COX17: variants seen among roughly 807,000 people sequenced by gnomAD.
COX17 encodes cytochrome c oxidase copper chaperone COX17.
COX17 carries 1 observed loss-of-function variant against 6.3 expected under a neutral mutation model. That is an observed-to-expected ratio of 0.16 (90% CI 0.06 to 0.75). The LOEUF is 0.75. Among genes scored for constraint, COX17 ranks in the 30% least tolerant of loss-of-function variants. The pLI is 0.77. For synonymous variants in COX17, 26 were observed against 30.5 expected (o/e 0.85, Z 0.49); for missense variants, 73 against 81.2 (o/e 0.90, Z 0.39).
rs370422554 is a variant in COX17, at chr3:119,677,331, A to G, written c.-21T>C. The stretch of plus-strand genomic sequence containing the variant: ...GGCATCTTTCGCGCCAAAAGCAGCT[A>G]TGAGCGGAGACAGCCAAATCTATGC... On this transcript the variant is annotated 5_prime_UTR_variant, in exon 1 of 3. Transcript: ENST00000261070. 59 of 1,599,450 alleles carry G rather than the reference A, an allele frequency of 3.7e-5. No homozygotes were observed. In the East Asian group the frequency reaches 4.0e-4, roughly 11 times the overall value.
downstream of COX17, among the ~76,000 whole-genome samples, chr3:119,664,808 T>C (rs1366060983): frequency 6.6e-5 from 10 of 152,224 alleles, no homozygotes; most frequent in Admixed American, 6.5e-4. Context: ...TATGGGTTTA[T>C]TTCATTTTCC....
At chr3:119,677,112 G>T in intron 1 of COX17, 92 bp downstream of exon 1, 2 of 944,058 alleles carry the variant, frequency 2.1e-6, no homozygotes, top group Non-Finnish European at 3.4e-6. Context: ...AGGGCAGAAG[G>T]CAGAGGGCAG....
At chr3:119,674,996 C>T in intron 2 of COX17, 149 bp downstream of exon 2, 1 of 608,328 alleles carries the variant, frequency 1.6e-6, no homozygotes, top group Admixed American at 2.8e-5. Context: ...ATAATTTACT[C>T]CCTTCATTGG....
In COX17 at chr3:119,675,175, T is replaced by A. The variant is rs1290201384; in HGVS notation, c.166A>T (p.Met56Leu). The change falls in exon 2 of 3, where the codon ATG becomes TTG. Residue 56 changes from methionine (M) to leucine (L), a missense_variant. Coordinates refer to ENST00000261070, the MANE Select transcript of COX17 (RefSeq NM_005694.2). ...GHLIEAHKECMRALGFKI is the reference protein window; with the variant it reads ...GHLIEAHKECLRALGFKI The stretch of plus-strand genomic sequence containing the variant: ...CATATTTTAAATCCTAGGGCTCTCA[T>A]GCATTCCTTGTGGGCCTCAATTAGA... 1 of 1,613,300 alleles carries A rather than the reference T, an allele frequency of 6.2e-7. No homozygotes were observed. Among genetic ancestry groups the A allele is most frequent in the Middle Eastern group, 1.7e-4 (1 of 6,000 alleles).
downstream of COX17, among the ~76,000 whole-genome samples, chr3:119,666,752 T>G (rs376169363): frequency 4.8e-4 from 73 of 152,298 alleles, no homozygotes; most frequent in African/African-American, 1.7e-3. Flanking sequence ...AAATAGCCTC[T>G]CATCTTGAAA....
intron 1 of COX17, chr3:119,676,630 T>C (rs749783000): frequency 9.1e-5 from 47 of 516,928 alleles, no homozygotes; most frequent in Non-Finnish European, 1.3e-4. Flanking sequence ...CTGTAAGGAA[T>C]ACACTCTGTG....
rs111279734 is a variant in COX17 at position 119,675,702 on chromosome 3, C to T, written c.108-469G>A. 9.9e-3 allele frequency: 1,523 copies of T among 153,574 alleles called. 24 individuals carry two copies. Among genetic ancestry groups the T allele is most frequent in the African/African-American group, 0.034 (1,414 of 41,526 alleles). 9.5% of individuals were successfully genotyped at this position (153,574 alleles called of 1,614,324 possible). ...TAGCCAGGAGACCGAGATAAACACC[C>T]CCTCATGATGATCAAAGAATATTTT... On this transcript the variant is annotated intron_variant, in intron 1 of 2. Coordinates refer to ENST00000261070, the MANE Select transcript of COX17 (RefSeq NM_005694.2).
chr3:119,664,245 C>T (rs1475936158), intron 3 of COX17, among the ~76,000 whole-genome samples: 1 of 152,072 alleles, frequency 6.6e-6, no homozygotes, highest in Admixed American at 6.5e-5. Flanking sequence ...AGGTTGGGGG[C>T]GTGATGGCTT....
chr3:119,676,722 A>G, intron 1 of COX17: 1 of 655,310 alleles, frequency 1.5e-6, no homozygotes, highest in South Asian at 1.6e-5. Context: ...AATCTATCAT[A>G]GCCCTTACCA....
At chr3:119,667,949 T>C (rs903791954), downstream of COX17, among the ~76,000 whole-genome samples, 2 of 152,200 alleles carry the variant, frequency 1.3e-5, no homozygotes, top group Admixed American at 1.3e-4. Context: ...ATATGAAGTA[T>C]TTGTTTAATG....
At chr3:119,676,409 G>T (rs546449186) in intron 1 of COX17, among the ~76,000 whole-genome samples, 5 of 152,322 alleles carry the variant, frequency 3.3e-5, no homozygotes, top group Admixed American at 3.3e-4. Flanking sequence ...GAAGACAAAA[G>T]GGGCCAGAGG....
intron 2 of COX17, among the ~76,000 whole-genome samples, chr3:119,673,827 A>C (rs2053069406): frequency 6.6e-6 from 1 of 152,240 alleles, no homozygotes; most frequent in Non-Finnish European, 1.5e-5. Context: ...ATGGGTTAAG[A>C]GTTCCAAGTT....
In COX17 at chr3:119,677,361, C is replaced by T. The variant is rs746006976; in HGVS notation, c.-51G>A. 6.8e-7 allele frequency: 1 copy of T among 1,469,444 alleles called. No individual in the cohort carries two copies. The highest frequency in any genetic ancestry group is 1.2e-5 in the South Asian group (1 of 85,344). 91.0% of individuals were successfully genotyped at this position (1,469,444 alleles called of 1,614,324 possible). The stretch of plus-strand genomic sequence containing the variant: ...CGGAGACAGCCAAATCTATGCCAGC[C>T]TCGGCAAACGCCGATTCGTCCGCAG... On this transcript the variant is annotated 5_prime_UTR_variant, in exon 1 of 3. Coordinates refer to ENST00000261070, the MANE Select transcript of COX17 (RefSeq NM_005694.2).
At chr3:119,668,958 C>A (rs1220346113), downstream of COX17, among the ~76,000 whole-genome samples, 2 of 152,014 alleles carry the variant, frequency 1.3e-5, no homozygotes, top group Non-Finnish European at 2.9e-5. Context: ...CATTTAATAC[C>A]AATTCAGTCT....
At chr3:119,674,145 G>A (rs923075976) in intron 2 of COX17, among the ~76,000 whole-genome samples, 6 of 150,004 alleles carry the variant, frequency 4.0e-5, no homozygotes, top group South Asian at 2.1e-4. Context: ...CCGCCCCACC[G>A]TCTGGGAAGT....
intron 1 of COX17, chr3:119,676,745 G>A (rs576607219): frequency 2.9e-6 from 2 of 685,192 alleles, no homozygotes; most frequent in South Asian, 3.1e-5. Context: ...TCGTATACAA[G>A]TCACTGGTTT....
chr3:119,670,547 A>G, intron 2 of COX17, among the ~76,000 whole-genome samples: 1 of 152,156 alleles, frequency 6.6e-6, no homozygotes, highest in East Asian at 1.9e-4. Flanking sequence ...TGACTACATA[A>G]CAAAAGGGGC....
chr3:119,677,214 G>C lies in COX17; in HGVS notation c.97C>G (p.Arg33Gly). ...CGGCTGCGCACTGACCACGCATCGC[G>C]CGCCTTCTTGGTCTCCGGGCAAGCG... ...CCACPETKKA[R>G]DACIIEKGEE... Residue 33 changes from arginine (R) to glycine (G), a missense_variant, in exon 1 of 3, where the codon CGC becomes GGC. Transcript: ENST00000261070. 1 of 1,610,796 alleles carries C rather than the reference G, an allele frequency of 6.2e-7. No homozygotes were observed. Among genetic ancestry groups the C allele is most frequent in the Non-Finnish European group, 8.5e-7 (1 of 1,179,430 alleles).
At chr3:119,673,195 AC>A (rs2053062453) in intron 2 of COX17, among the ~76,000 whole-genome samples, 1 of 152,100 alleles carries the variant, frequency 6.6e-6, no homozygotes, top group South Asian at 2.1e-4. Flanking sequence ...TGCACAACCC[AC>A]CTTGGGGGCC....
Sources: allele counts gnomAD v4.1 joint callset (sites outside exome capture counted in the v4.1 genomes callset), GRCh38; gene constraint gnomAD v4.1.1; transcripts MANE v1.5; gene names NCBI Gene and HGNC (gene_info 2026-07-23, HGNC 2026-07-21).